IMMP2L: variants seen among roughly 807,000 people sequenced by gnomAD.
IMMP2L encodes mitochondrial inner membrane protease subunit 2.
In IMMP2L, 18 loss-of-function variants were observed where a neutral mutation model predicts 19.3. That is an observed-to-expected ratio of 0.93 (90% CI 0.64 to 1.38). IMMP2L has a LOEUF of 1.38. Among genes scored for constraint, IMMP2L ranks in the 40% most tolerant of loss-of-function variants. The pLI is 0.00. For synonymous variants in IMMP2L, 76 were observed against 73.0 expected, an observed-to-expected ratio of 1.04 and a Z score of -0.21; for missense variants, 233 against 218.2, an observed-to-expected ratio of 1.07 and a Z score of -0.43.
chr7:111,522,651 G>A (rs1846446220), intron 1 of IMMP2L, among the ~76,000 whole-genome samples: 1 of 151,964 alleles, frequency 6.6e-6, no homozygotes, highest in South Asian at 2.1e-4. Flanking sequence ...TGCTGGCAAA[G>A]GTGGAGCAAA....
intron 3 of IMMP2L, among the ~76,000 whole-genome samples, chr7:111,445,433 C>T (rs1159396911): frequency 6.6e-6 from 1 of 151,598 alleles, no homozygotes; most frequent in African/African-American, 2.4e-5. Flanking sequence ...TACATACATA[C>T]ATACATAAGT....
intron 3 of IMMP2L, among the ~76,000 whole-genome samples, chr7:111,164,176 A>G (rs1462719595): frequency 2.0e-5 from 3 of 151,626 alleles, no homozygotes; most frequent in Non-Finnish European, 4.4e-5. Context: ...AGGAAGGCAG[A>G]AAGGCAGGAA....
chr7:110,742,835 T>C (rs1797076239), intron 5 of IMMP2L, among the ~76,000 whole-genome samples: 1 of 151,954 alleles, frequency 6.6e-6, no homozygotes, highest in Admixed American at 6.6e-5. Flanking sequence ...ATGCCCAACA[T>C]TAAGTAGGGG....
At chr7:111,140,721 A>G (rs184242452) in intron 3 of IMMP2L, among the ~76,000 whole-genome samples, 7 of 152,314 alleles carry the variant, frequency 4.6e-5, no homozygotes, top group Admixed American at 3.3e-4. Context: ...ATCTGCCCCA[A>G]CCAAAGAAAC....
intron 5 of IMMP2L, among the ~76,000 whole-genome samples, chr7:110,674,308 C>T (rs1207376639): frequency 6.6e-6 from 1 of 152,158 alleles, no homozygotes; most frequent in African/African-American, 2.4e-5. Flanking sequence ...TACCTCCCAC[C>T]AGGTCCCTCC....
At chr7:111,122,966 C>A (rs551711784) in intron 3 of IMMP2L, 1 of 1,613,962 alleles carries the variant, frequency 6.2e-7, no homozygotes, top group Non-Finnish European at 8.5e-7. Flanking sequence ...ACTTTCCCAG[C>A]CAGATTGCCA....
rs529378381 is a variant in IMMP2L at position 110,704,185 on chromosome 7, TTTC to T, written c.409-40467_409-40465del. On this transcript the variant is annotated intron_variant, in intron 5 of 5. Coordinates refer to ENST00000405709, the MANE Select transcript of IMMP2L (RefSeq NM_032549.4). ...CTAATATTCTCAATTGATTTTATAATTTCTAAGGAAAATTGTCAACATAACTAT... is the reference window on the plus strand; with the variant it reads ...CTAATATTCTCAATTGATTTTATAATTAAGGAAAATTGTCAACATAACTAT... 4.6e-3 allele frequency among the ~76,000 whole-genome samples: 705 copies of T among 152,278 alleles called. 7 individuals carry two copies. Among genetic ancestry groups the T allele is most frequent in the African/African-American group, 0.016 (670 of 41,568 alleles).
chr7:110,889,461 T>C (rs1563057169), intron 4 of IMMP2L, among the ~76,000 whole-genome samples: 1 of 152,146 alleles, frequency 6.6e-6, no homozygotes, highest in South Asian at 2.1e-4. Flanking sequence ...ACAGGGTTCA[T>C]GCTCCTGTGA....
At chr7:111,309,130 T>C (rs1181764967) in intron 3 of IMMP2L, among the ~76,000 whole-genome samples, 2 of 152,080 alleles carry the variant, frequency 1.3e-5, no homozygotes, top group East Asian at 3.8e-4. Context: ...GGGATCAAGA[T>C]TTGAGAGAAG....
At chr7:111,212,931 G>A (rs969001710) in intron 3 of IMMP2L, among the ~76,000 whole-genome samples, 2 of 152,078 alleles carry the variant, frequency 1.3e-5, no homozygotes, top group East Asian at 1.9e-4. Flanking sequence ...TCCTCATGAC[G>A]GCAGCCCATC....
At chr7:111,252,639 C>T (rs752529155) in intron 3 of IMMP2L, among the ~76,000 whole-genome samples, 17 of 152,104 alleles carry the variant, frequency 1.1e-4, no homozygotes, top group Non-Finnish European at 1.9e-4. Context: ...TTGAAGCCAA[C>T]ACTAAATCGG....
At chr7:110,696,722 A>T (rs1251663884) in intron 5 of IMMP2L, among the ~76,000 whole-genome samples, 1 of 152,120 alleles carries the variant, frequency 6.6e-6, no homozygotes, top group Non-Finnish European at 1.5e-5. Context: ...CACTGCACCC[A>T]GGCTTGCATT....
At chr7:110,813,767 T>C (rs2131285998) in intron 5 of IMMP2L, among the ~76,000 whole-genome samples, 1 of 152,036 alleles carries the variant, frequency 6.6e-6, no homozygotes, top group East Asian at 1.9e-4. Flanking sequence ...TTTTACTTTC[T>C]ATAAATACTG....
intron 1 of IMMP2L, among the ~76,000 whole-genome samples, chr7:111,557,904 G>A (rs1791558675): frequency 6.6e-6 from 1 of 151,708 alleles, no homozygotes; most frequent in Admixed American, 6.6e-5. Context: ...ACTGGACTTT[G>A]AGTATAGAAA....
chr7:110,947,417 T>C (rs1263282465), intron 4 of IMMP2L, among the ~76,000 whole-genome samples: 1 of 152,216 alleles, frequency 6.6e-6, no homozygotes, highest in Admixed American at 6.5e-5. Flanking sequence ...CTCTTGATTT[T>C]AATGATAGCT....
intron 5 of IMMP2L, among the ~76,000 whole-genome samples, chr7:110,678,942 C>T (rs1792509260): frequency 6.6e-6 from 1 of 152,150 alleles, no homozygotes; most frequent in Non-Finnish European, 1.5e-5. Context: ...TCAAAGGCCT[C>T]ATTCTAGGAC....
At chr7:110,841,634 G>A (rs1204945273) in intron 5 of IMMP2L, among the ~76,000 whole-genome samples, 3 of 151,936 alleles carry the variant, frequency 2.0e-5, no homozygotes, top group Non-Finnish European at 4.4e-5. Context: ...AATTTTACAT[G>A]ACTTCAATAG....
intron 3 of IMMP2L, chr7:111,392,715 A>G (rs1832481401): frequency 1.1e-5 from 5 of 455,764 alleles, no homozygotes; most frequent in South Asian, 7.8e-5. Flanking sequence ...CTTGGCTATA[A>G]AGTCTGAGGT....
chr7:110,960,914 A>T (rs1056122242), intron 4 of IMMP2L, among the ~76,000 whole-genome samples: 2 of 152,062 alleles, frequency 1.3e-5, no homozygotes, highest in South Asian at 4.1e-4. Flanking sequence ...ATATGAATGG[A>T]AAGTATGCAC....
Sources: gnomAD v4.1 joint callset for allele counts (sites outside exome capture counted in the v4.1 genomes callset) on GRCh38, gnomAD v4.1.1 for gene constraint, MANE v1.5 for transcripts, NCBI Gene and HGNC (gene_info 2026-07-23, HGNC 2026-07-21) for gene names.